The following NT5DC1 variants were observed in gnomAD, a reference collection of about 807,000 sequenced individuals.
NT5DC1 encodes 5'-nucleotidase domain-containing protein 1.
A neutral mutation model predicts 59.4 loss-of-function variants in NT5DC1; 42 were observed. The ratio of observed to expected loss-of-function variants is 0.71; its 90% CI spans 0.55 to 0.92. The LOEUF (loss-of-function observed/expected upper bound fraction) is 0.92, where lower values mean the gene tolerates loss of function less well. NT5DC1 is among the 40% of genes least tolerant of loss of function. The pLI is 0.00. For missense variants in NT5DC1, 501 were observed against 537.1 expected (o/e 0.93, Z 0.66); for synonymous variants, 172 against 188.1 (o/e 0.91, Z 0.70).
Position 116,245,364 on chromosome 6 carries a change from C to A in NT5DC1, c.*1340C>A, listed in dbSNP as rs1771826107. On this transcript the variant is annotated 3_prime_UTR_variant, in exon 12 of 12. Coordinates refer to ENST00000319550, the MANE Select transcript of NT5DC1 (RefSeq NM_152729.3). ...GATTGAAGTGCAGAATTTGGCATAT[C>A]GATGCATGCAATGGAAAGAAAAAAA... 6.6e-6 allele frequency: 1 copy of A among 152,266 alleles called. No individual in the cohort carries two copies. The highest frequency in any genetic ancestry group is 1.5e-5 in the Non-Finnish European group (1 of 67,964). 9.4% of individuals were successfully genotyped at this position (152,266 alleles called of 1,614,324 possible).
chr6:116,149,425 A>G (rs139930982), intron 6 of NT5DC1, among the ~76,000 whole-genome samples: 1,681 of 152,260 alleles, frequency 0.011, 13 homozygotes, highest in Non-Finnish European at 0.016. Context: ...TAGGATTATG[A>G]TTTTCTAAAT....
At chr6:116,147,385 T>C (rs1235480006) in intron 6 of NT5DC1, among the ~76,000 whole-genome samples, 1 of 151,532 alleles carries the variant, frequency 6.6e-6, no homozygotes, top group Non-Finnish European at 1.5e-5. Context: ...GAGGTTGCAG[T>C]GAACTGAGAT....
intron 6 of NT5DC1, among the ~76,000 whole-genome samples, chr6:116,146,517 CT>C (rs1006104356): frequency 6.6e-6 from 1 of 152,132 alleles, no homozygotes; most frequent in Admixed American, 6.5e-5. Flanking sequence ...CCACTTGGAA[CT>C]TTCGCCTTAA....
rs1782013047 is a variant in NT5DC1 at position 116,231,156 on chromosome 6, C to CCG, written c.803-5809_803-5808insGC. Among the ~76,000 whole-genome samples, 8 of 144,190 alleles carry CCG rather than the reference C, an allele frequency of 5.5e-5. No individual in the cohort carries two copies. In the South Asian group the frequency reaches 1.8e-3, roughly 32 times the overall value. The allele number at this position is 144,190 out of a possible 152,430, so 94.6% of individuals were successfully genotyped here. ...TATGAATGAATGGTAAATCCCCCCCCCAAACCAAAGTAGATAAGAGTAAGA... is the reference window on the plus strand; with the variant it reads ...TATGAATGAATGGTAAATCCCCCCCCCGCAAACCAAAGTAGATAAGAGTAAGA... On this transcript the variant is annotated intron_variant, in intron 8 of 11. Transcript: ENST00000319550.
chr6:116,152,476 A>G (rs1442861549), intron 6 of NT5DC1, among the ~76,000 whole-genome samples: 1 of 152,012 alleles, frequency 6.6e-6, no homozygotes, highest in Non-Finnish European at 1.5e-5. Flanking sequence ...TATTATGGTG[A>G]TTATCTACCC....
At chr6:116,177,184 T>G (rs1374774695) in intron 6 of NT5DC1, among the ~76,000 whole-genome samples, 1 of 152,220 alleles carries the variant, frequency 6.6e-6, no homozygotes, top group Non-Finnish European at 1.5e-5. Context: ...GCTTTTCGTT[T>G]CCAACAAATT....
intron 6 of NT5DC1, among the ~76,000 whole-genome samples, chr6:116,208,073 G>A (rs73774230): frequency 7.5e-4 from 114 of 152,016 alleles, no homozygotes; most frequent in African/African-American, 2.7e-3. Context: ...TCCTCAGTGT[G>A]GGGCAGATTT....
intron 6 of NT5DC1, among the ~76,000 whole-genome samples, chr6:116,175,052 T>C (rs1326823146): frequency 2.6e-5 from 4 of 152,212 alleles, no homozygotes; most frequent in Admixed American, 2.6e-4. Flanking sequence ...GTTTTAAAAA[T>C]TAAGGAATTA....
intron 6 of NT5DC1, among the ~76,000 whole-genome samples, chr6:116,139,506 G>C (rs534599043): frequency 3.7e-4 from 56 of 152,182 alleles, no homozygotes; most frequent in Admixed American, 1.2e-3. Flanking sequence ...GTATACTACA[G>C]TGTAATGATA....
intron 6 of NT5DC1, among the ~76,000 whole-genome samples, chr6:116,180,165 A>C (rs1053057671): frequency 6.6e-6 from 1 of 152,046 alleles, no homozygotes; most frequent in Non-Finnish European, 1.5e-5. Flanking sequence ...TTAATTACAG[A>C]GATAGTATAT....
At chr6:116,117,743 T>C in intron 5 of NT5DC1, 118 bp from the exon 6 acceptor site, 1 of 611,152 alleles carries the variant, frequency 1.6e-6, no homozygotes, top group Non-Finnish European at 2.9e-6. Flanking sequence ...AATAAAAAAA[T>C]TGTAAGTCTA....
intron 6 of NT5DC1, among the ~76,000 whole-genome samples, chr6:116,143,779 G>A (rs1328891094): frequency 1.3e-5 from 2 of 152,136 alleles, no homozygotes; most frequent in East Asian, 3.8e-4. Flanking sequence ...AACAAAATTA[G>A]CTATAGTAAT....
intron 6 of NT5DC1, among the ~76,000 whole-genome samples, chr6:116,123,813 A>C (rs1274525405): frequency 6.6e-6 from 1 of 152,216 alleles, no homozygotes. Flanking sequence ...TGTTCTGCAA[A>C]AGTAGCCAAG....
At chr6:116,125,384 T>A (rs749192483) in intron 6 of NT5DC1, 1 of 1,613,802 alleles carries the variant, frequency 6.2e-7, no homozygotes, top group South Asian at 1.1e-5. Flanking sequence ...GTCTTGGTGT[T>A]GGGTAGTGGG....
intron 6 of NT5DC1, among the ~76,000 whole-genome samples, chr6:116,194,777 T>C (rs565478043): frequency 6.6e-6 from 1 of 152,164 alleles, no homozygotes; most frequent in East Asian, 1.9e-4. Context: ...GTAGTGGCTT[T>C]TGGGTACAAT....
At position 116,130,194 on chromosome 6, in the gene NT5DC1, T is replaced by C. The variant is rs140137464; in HGVS notation, c.529+12249T>C. ...TATTTGATTACCCTGAAGTACAGTG[T>C]GTATAGAAAAAGCAGGAGAAATGCC... On this transcript the variant is annotated intron_variant, in intron 6 of 11. Coordinates refer to ENST00000319550, the MANE Select transcript of NT5DC1 (RefSeq NM_152729.3). 4.9e-4 allele frequency among the ~76,000 whole-genome samples: 75 copies of C among 152,278 alleles called. 2 individuals are homozygous for C. The East Asian group carries it at 0.014, about 28-fold the overall frequency.
At chr6:116,236,919 ACT>A in intron 8 of NT5DC1, 45 bp from the exon 9 acceptor site, 1 of 1,202,096 alleles carries the variant, frequency 8.3e-7, no homozygotes, top group East Asian at 2.3e-5. Flanking sequence ...CCAACTGGCT[ACT>A]CTCACTTGAT....
At chr6:116,134,864 G>A (rs1779551302) in intron 6 of NT5DC1, among the ~76,000 whole-genome samples, 1 of 152,164 alleles carries the variant, frequency 6.6e-6, no homozygotes, top group African/African-American at 2.4e-5. Context: ...GGATATAGAT[G>A]TAAGAGGGTA....
chr6:116,186,482 T>C (rs1182136060), intron 6 of NT5DC1, among the ~76,000 whole-genome samples: 1 of 152,010 alleles, frequency 6.6e-6, no homozygotes, highest in Non-Finnish European at 1.5e-5. Flanking sequence ...TCCCAGACTT[T>C]TAGATTTCTC....
Sources: gnomAD v4.1 joint callset for allele counts (sites outside exome capture counted in the v4.1 genomes callset) on GRCh38, gnomAD v4.1.1 for gene constraint, MANE v1.5 for transcripts, NCBI Gene and HGNC (gene_info 2026-07-23, HGNC 2026-07-21) for gene names.